The following TRPS1 variants were observed in gnomAD, a reference collection of about 807,000 sequenced individuals.
TRPS1 encodes transcriptional repressor GATA binding 1.
In TRPS1, 6 loss-of-function variants were observed where a neutral mutation model predicts 101.2. The ratio of observed to expected loss-of-function variants is 0.06; its 90% CI spans 0.03 to 0.12. The LOEUF (loss-of-function observed/expected upper bound fraction) is 0.12, where lower values mean the gene tolerates loss of function less well. TRPS1 is among the 10% of genes least tolerant of loss of function. TRPS1 has a pLI of 1.00. For missense variants in TRPS1, 1,363 were observed against 1,567.0 expected (o/e 0.87, Z 2.20); for synonymous variants, 578 against 589.8 (o/e 0.98, Z 0.29).
At chr8:115,416,538 T>TATAAACATAAATATTC (rs1396548677) in intron 6 of TRPS1, among the ~76,000 whole-genome samples, 1 of 148,426 alleles carries the variant, frequency 6.7e-6, no homozygotes, top group Non-Finnish European at 1.5e-5. Context: ...AAATTTTAAA[T>TATAAACATAAATATTC]ATAAACATAA....
At chr8:115,641,366 C>T (rs929848878) in intron 1 of TRPS1, among the ~76,000 whole-genome samples, 8 of 152,144 alleles carry the variant, frequency 5.3e-5, no homozygotes, top group African/African-American at 1.9e-4. Context: ...TGGAATATTC[C>T]ATTTTAGCAA....
At chr8:115,464,608 C>T (rs149700398) in intron 5 of TRPS1, among the ~76,000 whole-genome samples, 261 of 152,216 alleles carry the variant, frequency 1.7e-3, no homozygotes, top group Non-Finnish European at 2.4e-3. Flanking sequence ...CAATATGTGA[C>T]AAAACTGAAT....
chr8:115,619,287 C>A lies in TRPS1; in HGVS notation c.811G>T (p.Ala271Ser). The change falls in exon 3 of 7, where the codon GCT becomes TCT. Residue 271 changes from alanine (A) to serine (S), a missense_variant. By Grantham distance (99) the Ala-to-Ser change is moderately conservative. Coordinates refer to ENST00000395715, the MANE Select transcript of TRPS1 (RefSeq NM_014112.5). The part of the protein sequence containing the change: ...LGLHNRTRQD[A>S]ELDSKILALH... ...GCCAAGATTTTGCTGTCCAGCTCAGCATCTTGCCTGGTGCGGTTATGCAGT... is the reference window on the plus strand; with the variant it reads ...GCCAAGATTTTGCTGTCCAGCTCAGAATCTTGCCTGGTGCGGTTATGCAGT... 1 of 1,614,092 alleles carries A rather than the reference C, an allele frequency of 6.2e-7. No homozygotes were observed. Among genetic ancestry groups the A allele is most frequent in the East Asian group, 2.2e-5 (1 of 44,882 alleles).
At chr8:115,573,866 C>T (rs1817260838) in intron 5 of TRPS1, among the ~76,000 whole-genome samples, 2 of 152,044 alleles carry the variant, frequency 1.3e-5, no homozygotes, top group Admixed American at 6.6e-5. Context: ...ATTGGCTTAC[C>T]CTTCATGCTG....
intron 4 of TRPS1, among the ~76,000 whole-genome samples, chr8:115,597,135 C>T (rs954119816): frequency 2.6e-5 from 4 of 151,872 alleles, no homozygotes; most frequent in East Asian, 1.9e-4. Context: ...CATTTTTGCA[C>T]GTTTCCTAGC....
intron 5 of TRPS1, among the ~76,000 whole-genome samples, chr8:115,562,339 AT>A (rs1816965142): frequency 6.6e-6 from 1 of 152,014 alleles, no homozygotes; most frequent in South Asian, 2.1e-4. Flanking sequence ...ACTTTCATCA[AT>A]TTTCCTAACT....
At chr8:115,481,442 A>AT (rs1243256220) in intron 5 of TRPS1, among the ~76,000 whole-genome samples, 3 of 151,710 alleles carry the variant, frequency 2.0e-5, no homozygotes, top group Non-Finnish European at 4.4e-5. Context: ...GAGTAATTAT[A>AT]TTTTTTACTT....
chr8:115,469,438 G>A (rs1053050287), intron 5 of TRPS1, among the ~76,000 whole-genome samples: 1 of 152,090 alleles, frequency 6.6e-6, no homozygotes, highest in Non-Finnish European at 1.5e-5. Context: ...CACAATGAAT[G>A]AGCCACAATC....
intron 5 of TRPS1, chr8:115,511,368 T>G (rs1815578962): frequency 6.6e-6 from 1 of 151,970 alleles, no homozygotes; most frequent in Non-Finnish European, 1.5e-5. Context: ...TCAGCAGTAC[T>G]TCTTCAATTT....
chr8:115,497,501 C>T (rs2130127171), intron 5 of TRPS1, among the ~76,000 whole-genome samples: 1 of 152,270 alleles, frequency 6.6e-6, no homozygotes, highest in Admixed American at 6.5e-5. Flanking sequence ...TTCCTCCACT[C>T]CCTTATCATA....
rs145722858 is a variant in TRPS1, at chr8:115,578,487, G to C, written c.2700+8514C>G. Among the ~76,000 whole-genome samples, 10 of 152,082 alleles carry C rather than the reference G, an allele frequency of 6.6e-5. No homozygotes were observed. In the East Asian group the frequency reaches 1.9e-3, roughly 29 times the overall value. ...AAATGTCCTTTATAATTAAAAATTGGAAGTAGCCTAATTGTTCATTAATAA... is the reference window on the plus strand; with the variant it reads ...AAATGTCCTTTATAATTAAAAATTGCAAGTAGCCTAATTGTTCATTAATAA... On this transcript the variant is annotated intron_variant, in intron 5 of 6. Transcript: ENST00000395715.
At chr8:115,541,236 G>A (rs1816445024) in intron 5 of TRPS1, among the ~76,000 whole-genome samples, 1 of 152,108 alleles carries the variant, frequency 6.6e-6, no homozygotes, top group African/African-American at 2.4e-5. Context: ...TTACCAAGAA[G>A]GTCCAGAGAG....
At chr8:115,472,839 C>T (rs1259537532) in intron 5 of TRPS1, among the ~76,000 whole-genome samples, 1 of 152,192 alleles carries the variant, frequency 6.6e-6, no homozygotes, top group Non-Finnish European at 1.5e-5. Context: ...GGGGCAAATG[C>T]CACCAGTCTC....
rs1204228684 is a variant in TRPS1 at position 115,587,512 on chromosome 8, T to C, written c.2189A>G (p.Gln730Arg). The change falls in exon 5 of 7, where the codon CAG (glutamine) becomes CGG (arginine). Residue 730 changes from glutamine to arginine, a missense_variant. This residue lies in a region of TRPS1 where 1,020 missense variants were observed against 1,073.0 expected (regional missense o/e 0.95). Transcript: ENST00000395715. ...LLEHFNTVHCQEQDITTANGE... is the reference protein window; with the variant it reads ...LLEHFNTVHCREQDITTANGE... ...GTTGGCTGTAGTGATGTCCTGTTCC[T>C]GGCAGTGAACAGTGTTGAAGTGCTC... 1 of 1,614,076 alleles carries C rather than the reference T, an allele frequency of 6.2e-7. No homozygotes were observed. Among genetic ancestry groups the C allele is most frequent in the Non-Finnish European group, 8.5e-7 (1 of 1,180,024 alleles).
chr8:115,642,034 A>T (rs909770465), intron 1 of TRPS1, among the ~76,000 whole-genome samples: 1 of 151,978 alleles, frequency 6.6e-6, no homozygotes, highest in Non-Finnish European at 1.5e-5. Context: ...AAAATACAGC[A>T]AGACTCCGTC....
chr8:115,569,169 T>C lies in TRPS1; in HGVS notation c.2700+17832A>G, dbSNP rs554978290. Among the ~76,000 whole-genome samples, 4 of 152,222 alleles carry C rather than the reference T, an allele frequency of 2.6e-5. No individual in the cohort carries two copies. In the South Asian group the frequency reaches 8.3e-4, roughly 32 times the overall value. ...AAAAAGACTTTCCTGACTTTGATTA[T>C]TTTTTTCATGAATCCTTCCTCTCTG... On this transcript the variant is annotated intron_variant, in intron 5 of 6. Coordinates refer to ENST00000395715, the MANE Select transcript of TRPS1 (RefSeq NM_014112.5).
intron 5 of TRPS1, among the ~76,000 whole-genome samples, chr8:115,475,033 C>T (rs1157768873): frequency 6.6e-6 from 1 of 151,860 alleles, no homozygotes; most frequent in East Asian, 1.9e-4. Context: ...ATAATATTTA[C>T]TGCAGGACTT....
chr8:115,420,310 T>C (rs1025841329), intron 5 of TRPS1, among the ~76,000 whole-genome samples: 43 of 152,210 alleles, frequency 2.8e-4, no homozygotes, highest in Non-Finnish European at 8.8e-5. Context: ...CTATTAGAAG[T>C]TGTGTTTATC....
chr8:115,417,816 G>A (rs1235961106), intron 6 of TRPS1, among the ~76,000 whole-genome samples: 1 of 152,076 alleles, frequency 6.6e-6, no homozygotes. Flanking sequence ...GATATTCTCT[G>A]ATCCTAATTC....
Sources: allele counts gnomAD v4.1 joint callset (sites outside exome capture counted in the v4.1 genomes callset), GRCh38; gene constraint gnomAD v4.1.1; regional missense constraint gnomAD v4.1.1; transcripts MANE v1.5; gene names NCBI Gene and HGNC (gene_info 2026-07-23, HGNC 2026-07-21).